Variants in WDR70 observed in about 807,000 individuals in gnomAD.
The protein encoded by WDR70 is WD repeat domain 70.
In WDR70, 53 loss-of-function variants were observed where a neutral mutation model predicts 88.6. That is an observed-to-expected ratio of 0.60 (90% CI 0.48 to 0.75). The LOEUF is 0.75. Among genes scored for constraint, WDR70 ranks in the 30% least tolerant of loss-of-function variants. WDR70 has a pLI of 0.00. For synonymous variants in WDR70, 280 were observed against 270.0 expected (o/e 1.04, Z -0.36); for missense variants, 610 against 823.2 (o/e 0.74, Z 3.17).
chr5:37,689,021 T>A, intron 10 of WDR70, among the ~76,000 whole-genome samples: 1 of 152,232 alleles, frequency 6.6e-6, no homozygotes, highest in East Asian at 1.9e-4. Context: ...AACCGGCAGA[T>A]AAGTAGATTC....
At chr5:37,669,297 A>T (rs1250873132) in intron 10 of WDR70, among the ~76,000 whole-genome samples, 1 of 152,094 alleles carries the variant, frequency 6.6e-6, no homozygotes, top group Non-Finnish European at 1.5e-5. Flanking sequence ...TCTTTGTCAG[A>T]TCCCACTGTC....
intron 9 of WDR70, among the ~76,000 whole-genome samples, chr5:37,547,837 A>G (rs578068321): frequency 1.3e-5 from 2 of 152,192 alleles, no homozygotes; most frequent in East Asian, 3.9e-4. Flanking sequence ...CTTCTACTCT[A>G]TCTCCATGGG....
At chr5:37,403,530 C>T (rs369857162) in intron 5 of WDR70, among the ~76,000 whole-genome samples, 5 of 152,124 alleles carry the variant, frequency 3.3e-5, no homozygotes, top group South Asian at 2.1e-4. Flanking sequence ...CTCCACCTGG[C>T]GATTTCTGAA....
intron 5 of WDR70, among the ~76,000 whole-genome samples, chr5:37,400,311 A>G (rs968241027): frequency 5.3e-5 from 8 of 152,256 alleles, no homozygotes; most frequent in Non-Finnish European, 1.2e-4. Flanking sequence ...AAAACTCGAT[A>G]GGAACCATAG....
chr5:37,550,280 T>G (rs1020840305), intron 9 of WDR70, among the ~76,000 whole-genome samples: 3 of 152,226 alleles, frequency 2.0e-5, no homozygotes, highest in Non-Finnish European at 4.4e-5. Flanking sequence ...TTTGTATAGT[T>G]TCCAAAATTA....
At chr5:37,634,380 A>T (rs986685961) in intron 10 of WDR70, among the ~76,000 whole-genome samples, 11 of 152,310 alleles carry the variant, frequency 7.2e-5, no homozygotes, top group African/African-American at 2.4e-4. Flanking sequence ...GACTTTATTA[A>T]GCTTTGCTTG....
intron 9 of WDR70, among the ~76,000 whole-genome samples, chr5:37,555,894 T>C (rs1306818750): frequency 6.6e-6 from 1 of 152,076 alleles, no homozygotes; most frequent in East Asian, 1.9e-4. Context: ...AATTTTTATG[T>C]TTTTAGTAGA....
chr5:37,425,575 G>C (rs1406962469), intron 5 of WDR70, among the ~76,000 whole-genome samples: 1 of 152,212 alleles, frequency 6.6e-6, no homozygotes, highest in African/African-American at 2.4e-5. Flanking sequence ...GAATGAACAA[G>C]AGGGAGAGAA....
At chr5:37,438,768 A>C (rs1216740923) in intron 6 of WDR70, among the ~76,000 whole-genome samples, 1 of 152,192 alleles carries the variant, frequency 6.6e-6, no homozygotes, top group African/African-American at 2.4e-5. Context: ...TTTTCATAAA[A>C]ATATTTATGT....
intron 13 of WDR70, among the ~76,000 whole-genome samples, chr5:37,706,414 C>A (rs1747321882): frequency 6.6e-6 from 1 of 152,076 alleles, no homozygotes; most frequent in Admixed American, 6.6e-5. Flanking sequence ...AATTGTAGCT[C>A]CTCATATGTT....
chr5:37,744,403 G>A (rs1212898127), intron 17 of WDR70, among the ~76,000 whole-genome samples: 1 of 152,068 alleles, frequency 6.6e-6, no homozygotes, highest in Non-Finnish European at 1.5e-5. Context: ...TCTCCATTAA[G>A]GGCACAGAAC....
chr5:37,745,915 T>G (rs993896623), intron 17 of WDR70, among the ~76,000 whole-genome samples: 1 of 152,096 alleles, frequency 6.6e-6, no homozygotes, highest in African/African-American at 2.4e-5. Flanking sequence ...CAGCTCTCGA[T>G]CAAATGGACC....
intron 11 of WDR70, among the ~76,000 whole-genome samples, chr5:37,699,946 CAAA>C (rs111426175): frequency 8.4e-6 from 1 of 119,488 alleles, no homozygotes; most frequent in Admixed American, 8.9e-5. Context: ...GACTCTGTCT[CAAA>C]AAAAAACAAA....
chr5:37,614,519 GA>G (rs1369888812), intron 10 of WDR70, among the ~76,000 whole-genome samples: 1 of 152,050 alleles, frequency 6.6e-6, no homozygotes, highest in Non-Finnish European at 1.5e-5. Flanking sequence ...AATGGATTCA[GA>G]AAATCAAAAT....
chr5:37,621,416 AGT>A (rs1744501858), intron 10 of WDR70, among the ~76,000 whole-genome samples: 1 of 152,160 alleles, frequency 6.6e-6, no homozygotes, highest in African/African-American at 2.4e-5. Context: ...TAGTTTCAAA[AGT>A]GTTTCATCAC....
In WDR70 at chr5:37,605,167, A is replaced by G. The variant is rs765105186; in HGVS notation, c.1021A>G (p.Ser341Gly). ...AGTCATTCCCACTACGTGCACATATAGTAGAGATGGAAACCTCATAGCAGC... is the reference window on the plus strand; with the variant it reads ...AGTCATTCCCACTACGTGCACATATGGTAGAGATGGAAACCTCATAGCAGC... ...KKVIPTTCTY[S>G]RDGNLIAAAC... Residue 341 changes from serine to glycine, a missense_variant, in exon 10 of 18, where the codon AGT becomes GGT. Around this residue, in one of 4 missense-constraint regions of WDR70, gnomAD observed 254 missense variants for 300.7 expected, o/e 0.84. Transcript: ENST00000265107. 4.3e-6 allele frequency: 7 copies of G among 1,613,264 alleles called. No individual in the cohort carries two copies. Among genetic ancestry groups the G allele is most frequent in the Admixed American group, 3.3e-5 (2 of 59,968 alleles).
chr5:37,687,944 G>C (rs780616316), intron 10 of WDR70: 1 of 694,012 alleles, frequency 1.4e-6, no homozygotes, highest in South Asian at 1.5e-5. Context: ...GGAACTGTCT[G>C]CATGCTCTGG....
intron 9 of WDR70, among the ~76,000 whole-genome samples, chr5:37,553,230 C>T (rs1742198544): frequency 6.6e-6 from 1 of 152,136 alleles, no homozygotes; most frequent in East Asian, 1.9e-4. Flanking sequence ...ACTTAATCTT[C>T]AAGGCATTGG....
intron 10 of WDR70, among the ~76,000 whole-genome samples, chr5:37,607,801 A>T (rs1744074161): frequency 6.6e-6 from 1 of 152,114 alleles, no homozygotes; most frequent in Non-Finnish European, 1.5e-5. Context: ...TATTCATATG[A>T]TGATGGTCAG....
Sources: gnomAD v4.1 joint callset for allele counts (sites outside exome capture counted in the v4.1 genomes callset) on GRCh38, gnomAD v4.1.1 for gene constraint, gnomAD v4.1.1 regional missense constraint, MANE v1.5 for transcripts, NCBI Gene and HGNC (gene_info 2026-07-23, HGNC 2026-07-21) for gene names.